Variants in DENND4B observed in about 807,000 individuals in gnomAD.
DENND4B encodes the protein DENN domain containing 4B.
A neutral mutation model predicts 161.0 loss-of-function variants in DENND4B; 67 were observed. That is an observed-to-expected ratio of 0.42 (90% CI 0.34 to 0.51). The LOEUF (loss-of-function observed/expected upper bound fraction) is 0.51, where lower values mean the gene tolerates loss of function less well. Ranked by LOEUF, DENND4B falls within the 20% of genes least tolerant of loss-of-function variation. DENND4B has a pLI of 0.08. For missense variants in DENND4B, 1,481 were observed against 1,968.0 expected, an observed-to-expected ratio of 0.75 and a Z score of 4.68; for synonymous variants, 753 against 813.8, an observed-to-expected ratio of 0.93 and a Z score of 1.27.
In DENND4B at chr1:153,942,223, G is replaced by A; in HGVS notation, c.774C>T (p.Phe258=). 6.2e-7 allele frequency: 1 copy of A among 1,614,018 alleles called. No homozygotes were observed. The highest frequency in any genetic ancestry group is 8.5e-7 in the Non-Finnish European group (1 of 1,179,888). The change falls in exon 5 of 28, where the codon TTC becomes TTT. Residue 258 remains phenylalanine (F), a synonymous_variant. Coordinates refer to ENST00000361217, the MANE Select transcript of DENND4B (RefSeq NM_014856.3). This position sits in a 1 kb window ranked among gnomAD's most constrained non-coding sequence, Gnocchi z 6.9. ...CTGCACCCGTGAGCACAAAGGTGGA[G>A]AAGACGGGCACGGGGTACTTGGTCT... ...PAQTKYPVPV[F]STFVLTGAAG...
chr1:153,935,207 T>A, intron 17 of DENND4B: 1 of 600,988 alleles, frequency 1.7e-6, no homozygotes, highest in Non-Finnish European at 2.8e-6. Context: ...CCTTGCTGCT[T>A]AGAAATATAA....
chr1:153,938,774 A>T lies in DENND4B; in HGVS notation c.1965+126T>A, dbSNP rs190271831. The T allele has an allele frequency of 6.6e-4, 351 of 529,420 alleles. 1 individual carries two copies. The highest frequency in any genetic ancestry group is 6.5e-3 in the African/African-American group (327 of 50,542). The allele number at this position is 529,420 out of a possible 1,614,324, so 32.8% of individuals were successfully genotyped here. On this transcript the variant is annotated intron_variant, in intron 13 of 27. Transcript: ENST00000361217. ...TAAAATAAATAAATAAATAAAATAA[A>T]ATGGCCCTGGGGTCTACAGCCATAC...
rs1238612630 is a variant in DENND4B at position 153,933,644 on chromosome 1, G to A, written c.3169C>T (p.Leu1057=). ...AGCAGCTGTTGGAGGCGGGCACCCA[G>A]CCCTCGTCGGGGGGTGCCTGCCTCA... The part of the protein sequence containing the change: ...QDEAGTPRRG[L]GARLQQLLTP... Residue 1057 remains leucine (L), a synonymous_variant, in exon 20 of 28, where the codon CTG becomes TTG. Transcript: ENST00000361217. This position sits in a 1 kb window ranked among gnomAD's most constrained non-coding sequence, Gnocchi z 5.7. 4 of 1,565,290 alleles carry A rather than the reference G, an allele frequency of 2.6e-6. No individual in the cohort carries two copies. The highest frequency in any genetic ancestry group is 2.3e-5 in the East Asian group (1 of 43,144).
chr1:153,936,777 G>A lies in DENND4B; in HGVS notation c.2233-29C>T. The A allele has an allele frequency of 6.6e-7, 1 of 1,510,346 alleles. No individual in the cohort carries two copies. The highest frequency in any genetic ancestry group is 8.9e-7 in the Non-Finnish European group (1 of 1,124,342). The allele number at this position is 1,510,346 out of a possible 1,614,324, so 93.6% of individuals were successfully genotyped here. Reference sequence around the variant, plus strand: ...GGTAGGACAGGGGACACATCAGGGTGAGTACAATGCCAGGTCTTTCTTACT... The same window carrying A: ...GGTAGGACAGGGGACACATCAGGGTAAGTACAATGCCAGGTCTTTCTTACT... On this transcript the variant is annotated intron_variant, in intron 15 of 27. Transcript: ENST00000361217. The surrounding 1 kb of genome is among the most constrained non-coding windows in gnomAD (Gnocchi z 4.1).
At chr1:153,941,782 C>A in intron 6 of DENND4B, 87 bp downstream of exon 6, 7 of 800,088 alleles carry the variant, frequency 8.7e-6, no homozygotes, top group East Asian at 3.5e-5. Flanking sequence ...CCAGCCCTCC[C>A]CCCACCCACA....
Position 153,944,438 on chromosome 1 carries a change from TG to T in DENND4B, c.-23-42del. 5 of 1,500,104 alleles carry T rather than the reference TG, an allele frequency of 3.3e-6. No individual in the cohort carries two copies. The highest frequency in any genetic ancestry group is 4.5e-6 in the Non-Finnish European group (5 of 1,120,808). 92.9% of individuals were successfully genotyped at this position (1,500,104 alleles called of 1,614,324 possible). A position where few individuals can be genotyped will look rare whatever the true frequency, so the allele number is the denominator to read the frequency against. ...GGGAGAGAGATGAAGCAAGGAAGGCTGGGGATGCCATGGCAACCAGGGTACC... is the reference window on the plus strand; with the variant it reads ...GGGAGAGAGATGAAGCAAGGAAGGCTGGGATGCCATGGCAACCAGGGTACC... On this transcript the variant is annotated intron_variant, in intron 1 of 27. Coordinates refer to ENST00000361217, the MANE Select transcript of DENND4B (RefSeq NM_014856.3). This position sits in a 1 kb window ranked among gnomAD's most constrained non-coding sequence, Gnocchi z 4.8.
In DENND4B at chr1:153,933,568, G is replaced by T. The variant is rs1486966985; in HGVS notation, c.3245C>A (p.Pro1082His). 6.4e-7 allele frequency: 1 copy of T among 1,558,416 alleles called. No individual in the cohort carries two copies. Among genetic ancestry groups the T allele is most frequent in the Non-Finnish European group, 8.7e-7 (1 of 1,154,438 alleles). ...PASRIPPPEL[P>H]PDLPPPARRS... ...GCGGGCTGGGGGTGGCAGGTCAGGA[G>T]GCAGCTCAGGTGGGGGAATGCGGGA... Residue 1082 changes from proline (P) to histidine (H), a missense_variant, in exon 20 of 28, where the codon CCT becomes CAT. This residue lies in a region of DENND4B where 339 missense variants were observed against 330.3 expected (regional missense o/e 1.03). Transcript: ENST00000361217. This position sits in a 1 kb window ranked among gnomAD's most constrained non-coding sequence, Gnocchi z 5.7.
chr1:153,931,296 C>A (rs1164101755), intron 24 of DENND4B, among the ~76,000 whole-genome samples: 1 of 152,152 alleles, frequency 6.6e-6, no homozygotes, highest in Non-Finnish European at 1.5e-5. Context: ...AAAAAGCACT[C>A]AATACTGGTG....
In DENND4B at chr1:153,932,706, ACAGGGCCAGGACCAC is replaced by A. The variant is rs767119109; in HGVS notation, c.3680_3694del (p.Gly1227_Pro1231del). 1.2e-6 allele frequency: 2 copies of A among 1,614,054 alleles called. No individual in the cohort carries two copies. The highest frequency in any genetic ancestry group is 1.7e-6 in the Non-Finnish European group (2 of 1,179,902). The stretch of plus-strand genomic sequence containing the variant: ...AAGGCAGAGCCTTCGGTCACTGAGC[ACAGGGCCAGGACCAC>A]CAGGGACAGGAGCATCTTTGCTGCC... On this transcript the variant is annotated inframe_deletion, in exon 23 of 28. Transcript: ENST00000361217. The surrounding 1 kb of genome is among the most constrained non-coding windows in gnomAD (Gnocchi z 5.8).
Position 153,934,768 on chromosome 1 carries a change from G to A in DENND4B, c.2765C>T (p.Ser922Phe), listed in dbSNP as rs897545806. The change falls in exon 18 of 28, where the codon TCC becomes TTC. Residue 922 changes from serine to phenylalanine, a missense_variant. Physicochemically the swap from Ser to Phe is radical, Grantham distance 155. This residue lies in a region of DENND4B where 339 missense variants were observed against 330.3 expected (regional missense o/e 1.03). Transcript: ENST00000361217. This position sits in a 1 kb window ranked among gnomAD's most constrained non-coding sequence, Gnocchi z 5.3. ...CACCAGGCCCTACCCACCTGCCTGG[G>A]AGCTGCCTGCCTCTTGATGTGCTGA... ...QVSAHQEAGSSQAEPYLERPS... is the reference protein window; with the variant it reads ...QVSAHQEAGSFQAEPYLERPS... 6 of 1,612,256 alleles carry A rather than the reference G, an allele frequency of 3.7e-6. No individual in the cohort carries two copies. In the Admixed American group the frequency reaches 6.7e-5, roughly 18 times the overall value.
chr1:153,932,994 C>T lies in DENND4B; in HGVS notation c.3490G>A (p.Asp1164Asn), dbSNP rs764056629. 3.1e-5 allele frequency: 50 copies of T among 1,613,868 alleles called. No homozygotes were observed. Among genetic ancestry groups the T allele is most frequent in the Admixed American group, 5.0e-5 (3 of 60,010 alleles). ...LSSCSLCRAC[D>N]SLVYDEEIMA... is the part of the protein sequence containing the mutation. ...ATTTCCTCATCATACACCAGCGAAT[C>T]ACAGGCACGGCACAGGGAGCAGCTG... Residue 1164 changes from aspartate to asparagine, a missense_variant, in exon 22 of 28, where the codon GAT becomes AAT. Around this residue, in one of 3 missense-constraint regions of DENND4B, gnomAD observed 336 missense variants for 503.3 expected, o/e 0.67. Coordinates refer to ENST00000361217, the MANE Select transcript of DENND4B (RefSeq NM_014856.3). The surrounding 1 kb of genome is among the most constrained non-coding windows in gnomAD (Gnocchi z 5.8).
intron 11 of DENND4B, 152 bp from the exon 12 acceptor site, chr1:153,939,956 A>G: frequency 1.2e-6 from 1 of 854,262 alleles, no homozygotes; most frequent in Non-Finnish European, 1.8e-6. Context: ...TTCAAGCTTG[A>G]TATTTCCCAC....
At position 153,942,376 on chromosome 1, in the gene DENND4B, G is replaced by A; in HGVS notation, c.641-20C>T. ...GCAGCTCTGCACCCCCAGCATAGTT[G>A]GGGGTACCCAAAAGGAGCAGGGTCC... On this transcript the variant is annotated intron_variant, in intron 4 of 27. Coordinates refer to ENST00000361217, the MANE Select transcript of DENND4B (RefSeq NM_014856.3). The surrounding 1 kb of genome is among the most constrained non-coding windows in gnomAD (Gnocchi z 6.9). 1 of 1,605,954 alleles carries A rather than the reference G, an allele frequency of 6.2e-7. No homozygotes were observed.
chr1:153,932,590 C>T lies in DENND4B; in HGVS notation c.3759+52G>A, dbSNP rs373086561. The stretch of plus-strand genomic sequence containing the variant: ...CATCTCTCCCTGGCACCCCACAGGC[C>T]CCACACAGGGCAACATTCCCGTTCC... On this transcript the variant is annotated intron_variant, in intron 23 of 27. Transcript: ENST00000361217. The surrounding 1 kb of genome is among the most constrained non-coding windows in gnomAD (Gnocchi z 5.8). 54 of 1,587,136 alleles carry T rather than the reference C, an allele frequency of 3.4e-5. No individual in the cohort carries two copies. The African/African-American group carries it at 6.0e-4, about 18-fold the overall frequency.
chr1:153,936,448 C>T lies in DENND4B; in HGVS notation c.2439+94G>A. ...AGCTCTGGGGCTCTGCAACTTCTTT[C>T]CTTAGTCTCCACCAAGTTTCCCTCT... On this transcript the variant is annotated intron_variant, in intron 16 of 27. Transcript: ENST00000361217. The surrounding 1 kb of genome is among the most constrained non-coding windows in gnomAD (Gnocchi z 4.1). The T allele has an allele frequency of 7.3e-7, 1 of 1,371,886 alleles. No individual in the cohort carries two copies. The highest frequency in any genetic ancestry group is 9.8e-7 in the Non-Finnish European group (1 of 1,020,576). The allele number at this position is 1,371,886 out of a possible 1,614,324, so 85.0% of individuals were successfully genotyped here.
chr1:153,931,087 G>C lies in DENND4B; in HGVS notation c.3997-23C>G, dbSNP rs764657194. On this transcript the variant is annotated intron_variant, in intron 24 of 27. Coordinates refer to ENST00000361217, the MANE Select transcript of DENND4B (RefSeq NM_014856.3). ...GGCCTGGGGGAGCCAAGATAGTGGA[G>C]ACAGTTAGGCTCAACGAATGGGAGG... 223 of 1,581,284 alleles carry C rather than the reference G, an allele frequency of 1.4e-4. 1 individual carries two copies. Among genetic ancestry groups the C allele is most frequent in the Non-Finnish European group, 1.9e-4 (221 of 1,159,142 alleles).
Position 153,941,928 on chromosome 1 carries a change from G to A in DENND4B, c.996C>T (p.Ala332=). 6.2e-7 allele frequency: 1 copy of A among 1,612,426 alleles called. No individual in the cohort carries two copies. The highest frequency in any genetic ancestry group is 8.5e-7 in the Non-Finnish European group (1 of 1,179,876). The part of the protein sequence containing the change: ...SRWPAFPAFR[A]FLTFLYRYSV... ...AGTAGCGGTAAAGGAAGGTGAGGAA[G>A]GCGCGGAAGGCAGGGAAGGCAGGCC... is the stretch of plus-strand genomic sequence containing the variant. Residue 332 remains alanine (A), a synonymous_variant, in exon 6 of 28, where the codon GCC becomes GCT. Transcript: ENST00000361217.
chr1:153,936,593 G>C lies in DENND4B; in HGVS notation c.2388C>G (p.Ala796=), dbSNP rs1043608. ...TCTCCATCTGGCGCAGCACATGGTAGGCTGTGTGCAGTGCCTGCACTCGGG... is the reference window on the plus strand; with the variant it reads ...TCTCCATCTGGCGCAGCACATGGTACGCTGTGTGCAGTGCCTGCACTCGGG... The part of the protein sequence containing the change: ...APSRVQALHT[A]YHVLRQMESG... Residue 796 remains alanine, a synonymous_variant, in exon 16 of 28, where the codon GCC becomes GCG. Coordinates refer to ENST00000361217, the MANE Select transcript of DENND4B (RefSeq NM_014856.3). This position sits in a 1 kb window ranked among gnomAD's most constrained non-coding sequence, Gnocchi z 4.1. 0.3 allele frequency: 489,161 copies of C among 1,609,366 alleles called. 76,144 individuals carry two copies. The highest frequency in any genetic ancestry group is 0.42 in the Admixed American group (24,692 of 59,276).
chr1:153,944,312 G>C lies in DENND4B; in HGVS notation c.63C>G (p.Asn21Lys). ...DYFVVAGLAG[N>K]GAPIPEETWV... is the part of the protein sequence containing the mutation. ...ACGTTTCCTCAGGGATGGGTGCTCC[G>C]TTCCCTGCAAGCCCAGCTACCACGA... Residue 21 changes from asparagine to lysine, a missense_variant, in exon 2 of 28, where the codon AAC becomes AAG. Asn to Lys is a moderately conservative substitution (Grantham distance 94). Coordinates refer to ENST00000361217, the MANE Select transcript of DENND4B (RefSeq NM_014856.3). The surrounding 1 kb of genome is among the most constrained non-coding windows in gnomAD (Gnocchi z 4.8). 1.0e-5 allele frequency: 16 copies of C among 1,607,686 alleles called. No individual in the cohort carries two copies. Among genetic ancestry groups the C allele is most frequent in the Non-Finnish European group, 1.4e-5 (16 of 1,176,910 alleles).
Sources: allele counts gnomAD v4.1 joint callset (sites outside exome capture counted in the v4.1 genomes callset), GRCh38; gene constraint gnomAD v4.1.1; regional missense constraint gnomAD v4.1.1; non-coding constraint Gnocchi (gnomAD v3.1); transcripts MANE v1.5; gene names NCBI Gene and HGNC (gene_info 2026-07-23, HGNC 2026-07-21).